BTBD1: variants seen among roughly 807,000 people sequenced by gnomAD.
The protein encoded by BTBD1 is BTB/POZ domain-containing protein 1.
BTBD1 carries 34 observed loss-of-function variants against 48.0 expected under a neutral mutation model. The observed-to-expected ratio is 0.71, with a 90% CI of 0.54 to 0.94. The LOEUF (loss-of-function observed/expected upper bound fraction) is 0.94. Among genes scored for constraint, BTBD1 ranks in the 40% least tolerant of loss-of-function variants. The pLI, the probability that BTBD1 is intolerant of heterozygous loss-of-function variation, is 0.00. For synonymous variants in BTBD1, 261 were observed against 242.1 expected (o/e 1.08, Z -0.72); for missense variants, 543 against 625.6 (o/e 0.87, Z 1.41).
intron 4 of BTBD1, among the ~76,000 whole-genome samples, chr15:83,036,520 G>A (rs1252818457): frequency 6.6e-6 from 1 of 152,132 alleles, no homozygotes; most frequent in Non-Finnish European, 1.5e-5. Context: ...TTGGCAGGAT[G>A]GCAGGATCTA....
In BTBD1 at chr15:83,050,083, A is replaced by G; in HGVS notation, c.654T>C (p.Asp218=). The change falls in exon 3 of 8, where the codon GAT becomes GAC. Residue 218 remains aspartate, a synonymous_variant. Coordinates refer to ENST00000261721, the MANE Select transcript of BTBD1 (RefSeq NM_025238.4). ...TCATAGCGAACTTACCTATATCAAT[A>G]TCAGTAAACCCTTCTGCACTTATTG... ...MDAISAEGFT[D]IDIDTLCAVL... is the part of the protein sequence containing the mutation. 2 of 1,605,262 alleles carry G rather than the reference A, an allele frequency of 1.2e-6. No individual in the cohort carries two copies. The highest frequency in any genetic ancestry group is 3.3e-4 in the Middle Eastern group (2 of 6,044).
Position 83,030,120 on chromosome 15 carries a change from C to T in BTBD1, c.1055+16G>A. 1 of 1,612,938 alleles carries T rather than the reference C, an allele frequency of 6.2e-7. No homozygotes were observed. The highest frequency in any genetic ancestry group is 2.2e-5 in the East Asian group (1 of 44,852). ...CTACCCCCACTCTACCCCCGCATCC[C>T]CAATATAACAGATACCTGATTCGAT... On this transcript the variant is annotated intron_variant, in intron 5 of 7. Coordinates refer to ENST00000261721, the MANE Select transcript of BTBD1 (RefSeq NM_025238.4).
At chr15:83,054,310 C>G (rs1596443001) in intron 2 of BTBD1, among the ~76,000 whole-genome samples, 1 of 151,918 alleles carries the variant, frequency 6.6e-6, no homozygotes, top group Non-Finnish European at 1.5e-5. Flanking sequence ...GCACTCCAGG[C>G]TGGGCAACAG....
chr15:83,019,951 C>G (rs1290040554), intron 6 of BTBD1, among the ~76,000 whole-genome samples: 3 of 98,930 alleles, frequency 3.0e-5, no homozygotes, highest in Non-Finnish European at 5.3e-5. Context: ...GCCTGGGCAA[C>G]AGAGCAAGAC....
intron 2 of BTBD1, among the ~76,000 whole-genome samples, chr15:83,055,447 T>TTTATTCA (rs2033067295): frequency 6.6e-6 from 1 of 152,086 alleles, no homozygotes; most frequent in Non-Finnish European, 1.5e-5. Flanking sequence ...TAGTAGAGAC[T>TTTATTCA]GGGTTTTGCC....
At chr15:83,051,522 A>G (rs2151310759) in intron 2 of BTBD1, among the ~76,000 whole-genome samples, 1 of 150,316 alleles carries the variant, frequency 6.7e-6, no homozygotes. Flanking sequence ...ATAACATAAA[A>G]TATGTATAGA....
At chr15:83,031,797 T>C (rs539425551) in intron 4 of BTBD1, among the ~76,000 whole-genome samples, 1 of 150,780 alleles carries the variant, frequency 6.6e-6, no homozygotes, top group Non-Finnish European at 1.5e-5. Flanking sequence ...AAAGAAGATA[T>C]ACAAGCGGCC....
chr15:83,027,864 G>A lies in BTBD1; in HGVS notation c.1055+2272C>T, dbSNP rs2032440548. Reference sequence around the variant, plus strand: ...GCTGAAACTGTCTCATCATGGTGATGCATATATGTACAGCAACTAACTACT... The same window carrying A: ...GCTGAAACTGTCTCATCATGGTGATACATATATGTACAGCAACTAACTACT... On this transcript the variant is annotated intron_variant, in intron 5 of 7. Coordinates refer to ENST00000261721, the MANE Select transcript of BTBD1 (RefSeq NM_025238.4). Among the ~76,000 whole-genome samples the A allele has an allele frequency of 1.3e-5, 2 of 152,194 alleles. 1 individual carries two copies. The highest frequency in any genetic ancestry group is 4.1e-4 in the South Asian group (2 of 4,836).
chr15:83,044,359 G>C lies in BTBD1; in HGVS notation c.665-2434C>G, dbSNP rs774128426. 1.5e-5 allele frequency: 23 copies of C among 1,485,584 alleles called. No individual in the cohort carries two copies. The East Asian group carries it at 4.8e-4, about 31-fold the overall frequency. 92.0% of individuals were successfully genotyped at this position (1,485,584 alleles called of 1,614,324 possible). Reference sequence around the variant, plus strand: ...CCCTGCTCTGCATGCCCGCCCGCCCGTGCCCACCATGGCCACAGTTCAGCA... The same window carrying C: ...CCCTGCTCTGCATGCCCGCCCGCCCCTGCCCACCATGGCCACAGTTCAGCA... On this transcript the variant is annotated intron_variant, in intron 3 of 7. Coordinates refer to ENST00000261721, the MANE Select transcript of BTBD1 (RefSeq NM_025238.4).
At chr15:83,039,106 T>G (rs140001438) in intron 4 of BTBD1, among the ~76,000 whole-genome samples, 80 of 151,762 alleles carry the variant, frequency 5.3e-4, no homozygotes, top group African/African-American at 1.7e-3. Context: ...ACCTATAGAA[T>G]GGGAGAAAAT....
At chr15:83,064,626 A>G (rs899224313) in intron 1 of BTBD1, among the ~76,000 whole-genome samples, 1 of 152,150 alleles carries the variant, frequency 6.6e-6, no homozygotes, top group Non-Finnish European at 1.5e-5. Flanking sequence ...TTTAGTTTGT[A>G]TAAGTATCAC....
chr15:83,053,642 A>G (rs1027429034), intron 2 of BTBD1, among the ~76,000 whole-genome samples: 1 of 152,236 alleles, frequency 6.6e-6, no homozygotes, highest in Non-Finnish European at 1.5e-5. Context: ...CTTGGACAAT[A>G]AAGAATCTTA....
chr15:83,031,433 G>C (rs916044862), intron 4 of BTBD1, among the ~76,000 whole-genome samples: 2 of 152,140 alleles, frequency 1.3e-5, no homozygotes, highest in African/African-American at 4.8e-5. Flanking sequence ...ATACACCATG[G>C]AATACTATGC....
At position 83,056,449 on chromosome 15, in the gene BTBD1, G is replaced by A; in HGVS notation, c.498C>T (p.His166=). ...GATGTTTGGTGAGAAATTCTACACA[G>A]TGTGCTTCCAAGGCTGGGACTGCGT... The part of the protein sequence containing the change: ...KKYAVPALEA[H]CVEFLTKHLR... The change falls in exon 2 of 8, where the codon CAC becomes CAT. Residue 166 remains histidine (H), a synonymous_variant. Coordinates refer to ENST00000261721, the MANE Select transcript of BTBD1 (RefSeq NM_025238.4). 6.2e-7 allele frequency: 1 copy of A among 1,613,408 alleles called. No homozygotes were observed. The highest frequency in any genetic ancestry group is 1.1e-5 in the South Asian group (1 of 91,066).
intron 1 of BTBD1, 99 bp from the exon 2 acceptor site, chr15:83,056,644 A>C (rs1232431045): frequency 2.8e-6 from 3 of 1,071,896 alleles, no homozygotes; most frequent in Non-Finnish European, 2.7e-6. Context: ...TTATATTTTT[A>C]TTTTATGTTT....
At chr15:83,024,091 G>C (rs1430797852) in intron 5 of BTBD1, 1 of 151,870 alleles carries the variant, frequency 6.6e-6, no homozygotes, top group Admixed American at 6.6e-5. Flanking sequence ...GGCTGGTCTG[G>C]AACTCCTGAG....
chr15:83,041,400 G>A (rs2032757246), intron 4 of BTBD1, among the ~76,000 whole-genome samples: 3 of 151,446 alleles, frequency 2.0e-5, no homozygotes, highest in Non-Finnish European at 4.4e-5. Flanking sequence ...GAGTCTCGTG[G>A]AATCTCGCTC....
chr15:83,063,640 C>A (rs2033211245), intron 1 of BTBD1, among the ~76,000 whole-genome samples: 1 of 152,162 alleles, frequency 6.6e-6, no homozygotes, highest in Admixed American at 6.5e-5. Flanking sequence ...CAATCTCATT[C>A]AAAACTCTCC....
intron 6 of BTBD1, 152 bp from the exon 7 acceptor site, chr15:83,019,005 G>GGTGTGT (rs147308967): frequency 3.8e-6 from 1 of 261,512 alleles, no homozygotes; most frequent in African/African-American, 2.7e-5. Flanking sequence ...GGTGGGGGGT[G>GGTGTGT]GTGTGTGTGT....
Sources: gnomAD v4.1 joint callset for allele counts (sites outside exome capture counted in the v4.1 genomes callset) on GRCh38, gnomAD v4.1.1 for gene constraint, MANE v1.5 for transcripts, NCBI Gene and HGNC (gene_info 2026-07-23, HGNC 2026-07-21) for gene names.